The following CCDC148 variants were observed in gnomAD, a reference collection of about 807,000 sequenced individuals.
The protein encoded by CCDC148 is coiled-coil domain-containing protein 148.
CCDC148 carries 89 observed loss-of-function variants against 85.7 expected under a neutral mutation model. The ratio of observed to expected loss-of-function variants is 1.04; its 90% CI spans 0.87 to 1.24. The LOEUF (loss-of-function observed/expected upper bound fraction) is 1.24. Among genes scored for constraint, CCDC148 ranks in the 50% most tolerant of loss-of-function variants. The probability of loss-of-function intolerance (pLI) is 0.00; values close to 1 mark genes in which losing one functional copy is unlikely to be tolerated. For synonymous variants in CCDC148, 230 were observed against 213.9 expected, an observed-to-expected ratio of 1.08 and a Z score of -0.66; for missense variants, 692 against 671.7, an observed-to-expected ratio of 1.03 and a Z score of -0.33.
At chr2:158,448,131 A>G (rs945554371) in intron 1 of CCDC148, among the ~76,000 whole-genome samples, 4 of 152,100 alleles carry the variant, frequency 2.6e-5, no homozygotes, top group Admixed American at 6.5e-5. Flanking sequence ...TTTAAAAAAA[A>G]TCCCTTTCAC....
intron 8 of CCDC148, among the ~76,000 whole-genome samples, chr2:158,311,917 A>G (rs1418336970): frequency 1.3e-5 from 2 of 152,178 alleles, no homozygotes; most frequent in Non-Finnish European, 2.9e-5. Flanking sequence ...TCTTGAGGGA[A>G]GAACAGGAAT....
At position 158,176,577 on chromosome 2, in the gene CCDC148, C is replaced by T. The variant is rs369752048; in HGVS notation, c.1573G>A (p.Glu525Lys). 8 of 1,612,082 alleles carry T rather than the reference C, an allele frequency of 5.0e-6. No individual in the cohort carries two copies. Among genetic ancestry groups the T allele is most frequent in the Non-Finnish European group, 5.1e-6 (6 of 1,178,912 alleles). Residue 525 changes from glutamate (E) to lysine (K), a missense_variant, in exon 13 of 14, where the codon GAA (glutamate) becomes AAA (lysine). By Grantham distance (56) the Glu-to-Lys change is moderately conservative (BLOSUM62 1). Transcript: ENST00000283233. ...SKARMGIEIE[E>K]EFILQKPLFT... ...AGTGGCTTTTGAAGAATAAATTCTT[C>T]TTCAATTTCAATGCCCATTCTAGCT... is the stretch of plus-strand genomic sequence containing the variant.
chr2:158,398,920 A>G (rs1309863509), intron 1 of CCDC148, among the ~76,000 whole-genome samples: 1 of 152,128 alleles, frequency 6.6e-6, no homozygotes, highest in Admixed American at 6.6e-5. Context: ...TCAAATAGAC[A>G]CAACAAAAAA....
intron 11 of CCDC148, among the ~76,000 whole-genome samples, chr2:158,195,243 C>G (rs1685614000): frequency 6.6e-6 from 1 of 151,938 alleles, no homozygotes; most frequent in African/African-American, 2.4e-5. Context: ...GTTAATTGCC[C>G]CTGCTCTTTT....
intron 9 of CCDC148, among the ~76,000 whole-genome samples, chr2:158,261,234 T>G (rs573371280): frequency 6.6e-6 from 1 of 152,146 alleles, no homozygotes; most frequent in Non-Finnish European, 1.5e-5. Context: ...GACCATCTGA[T>G]CTTCAACAAA....
Position 158,313,740 on chromosome 2 carries a change from T to C in CCDC148, c.903+16A>G. On this transcript the variant is annotated intron_variant, in intron 8 of 13. Coordinates refer to ENST00000283233, the MANE Select transcript of CCDC148 (RefSeq NM_138803.4). ...ACAATTTAACTTGCCAGTATGTAGGTAGGTCCAGTACTCACCAAATCATGC... is the reference window on the plus strand; with the variant it reads ...ACAATTTAACTTGCCAGTATGTAGGCAGGTCCAGTACTCACCAAATCATGC... 2 of 1,595,184 alleles carry C rather than the reference T, an allele frequency of 1.3e-6. No homozygotes were observed. Among genetic ancestry groups the C allele is most frequent in the Non-Finnish European group, 1.7e-6 (2 of 1,171,500 alleles).
intron 9 of CCDC148, among the ~76,000 whole-genome samples, chr2:158,292,531 GCTTTC>G (rs1690942708): frequency 6.6e-6 from 1 of 152,098 alleles, no homozygotes; most frequent in Admixed American, 6.6e-5. Context: ...CTTGATAAAA[GCTTTC>G]CTGTGCCATC....
intron 2 of CCDC148, among the ~76,000 whole-genome samples, chr2:158,357,431 G>C (rs1225362748): frequency 1.3e-5 from 2 of 152,094 alleles, no homozygotes; most frequent in Non-Finnish European, 2.9e-5. Context: ...AAGTATACAT[G>C]ATTTCATGCC....
At chr2:158,196,445 C>T (rs938178670) in intron 11 of CCDC148, among the ~76,000 whole-genome samples, 7 of 152,112 alleles carry the variant, frequency 4.6e-5, no homozygotes, top group African/African-American at 1.7e-4. Flanking sequence ...CTTCTCCTCC[C>T]CCCAGCCAGT....
At chr2:158,303,401 C>A (rs1691538971) in intron 9 of CCDC148, among the ~76,000 whole-genome samples, 1 of 152,020 alleles carries the variant, frequency 6.6e-6, no homozygotes. Flanking sequence ...CTGGTGTGAA[C>A]CTTAGGCAAG....
At chr2:158,259,488 A>G (rs1689133987) in intron 9 of CCDC148, among the ~76,000 whole-genome samples, 1 of 151,966 alleles carries the variant, frequency 6.6e-6, no homozygotes, top group Non-Finnish European at 1.5e-5. Flanking sequence ...TACAAATGCT[A>G]TTTATGTACC....
intron 11 of CCDC148, 92 bp downstream of exon 11, chr2:158,220,503 A>G (rs1384535795): frequency 1.2e-6 from 1 of 820,904 alleles, no homozygotes; most frequent in Non-Finnish European, 2.0e-6. Flanking sequence ...TAAGTATAGA[A>G]AAAAGTTCCC....
At chr2:158,233,986 G>A (rs1185519971) in intron 10 of CCDC148, among the ~76,000 whole-genome samples, 1 of 152,052 alleles carries the variant, frequency 6.6e-6, no homozygotes, top group Non-Finnish European at 1.5e-5. Flanking sequence ...GACCATCCTG[G>A]CCAACATGGT....
chr2:158,198,654 G>A (rs74864124), intron 11 of CCDC148, among the ~76,000 whole-genome samples: 2,261 of 152,188 alleles, frequency 0.015, 98 homozygotes, highest in East Asian at 0.091. Flanking sequence ...ACTTGAAATG[G>A]CTTCAAGGTC....
intron 7 of CCDC148, among the ~76,000 whole-genome samples, chr2:158,332,844 T>C (rs920304347): frequency 2.6e-4 from 39 of 152,196 alleles, no homozygotes; most frequent in Non-Finnish European, 4.0e-4. Context: ...TATTCTCTGA[T>C]GGTAGTTTGT....
intron 8 of CCDC148, 86 bp downstream of exon 8, chr2:158,313,670 C>T (rs1692144915): frequency 7.9e-7 from 1 of 1,268,354 alleles, no homozygotes; most frequent in Non-Finnish European, 1.1e-6. Flanking sequence ...TTTAAAGAAC[C>T]ATTGAAAATA....
intron 9 of CCDC148, among the ~76,000 whole-genome samples, chr2:158,305,399 C>T (rs181459288): frequency 1.7e-3 from 257 of 152,230 alleles, no homozygotes; most frequent in Non-Finnish European, 2.3e-3. Context: ...CAGAATGCCC[C>T]TTCCGCTACC....
rs528583983 is a variant in CCDC148 at position 158,366,785 on chromosome 2, A to G, written c.26-8215T>C. On this transcript the variant is annotated intron_variant, in intron 1 of 13. Coordinates refer to ENST00000283233, the MANE Select transcript of CCDC148 (RefSeq NM_138803.4). ...CCCACTTCCTTCTTCTCCCTTTCAC[A>G]GGTAAAGATGCCTGCTAAACATCTT... 4.6e-5 allele frequency among the ~76,000 whole-genome samples: 7 copies of G among 152,224 alleles called. No individual in the cohort carries two copies. In the South Asian group the frequency reaches 1.5e-3, roughly 32 times the overall value.
chr2:158,410,957 T>C (rs1686231915), intron 1 of CCDC148, among the ~76,000 whole-genome samples: 1 of 152,136 alleles, frequency 6.6e-6, no homozygotes, highest in Admixed American at 6.5e-5. Flanking sequence ...TTTTAAAGGA[T>C]AGTTTTGCAA....
Sources: gnomAD v4.1 joint callset for allele counts (sites outside exome capture counted in the v4.1 genomes callset) on GRCh38, gnomAD v4.1.1 for gene constraint, MANE v1.5 for transcripts, NCBI Gene and HGNC (gene_info 2026-07-23, HGNC 2026-07-21) for gene names.